VAMP7: variants seen among roughly 807,000 people sequenced by gnomAD.
VAMP7 encodes vesicle-associated membrane protein 7.
VAMP7 carries 14 observed loss-of-function variants against 29.6 expected under a neutral mutation model. The ratio of observed to expected loss-of-function variants is 0.47; its 90% CI spans 0.31 to 0.74. VAMP7 has a LOEUF of 0.74. Ranked by LOEUF, VAMP7 falls within the 30% of genes least tolerant of loss-of-function variation. The pLI is 0.05. For missense variants in VAMP7, 223 were observed against 262.4 expected (o/e 0.85, Z 1.04); for synonymous variants, 95 against 88.1 (o/e 1.08, Z -0.44).
intron 6 of VAMP7, among the ~76,000 whole-genome samples, chrX:155,925,869 A>T (rs957360859): frequency 2.7e-4 from 41 of 152,152 alleles, no homozygotes; most frequent in Non-Finnish European, 4.6e-4. Flanking sequence ...AGGCCCCAAG[A>T]TTTATTTTCC....
intron 6 of VAMP7, among the ~76,000 whole-genome samples, chrX:155,928,174 T>G (rs2066498288): frequency 6.6e-6 from 1 of 152,170 alleles, no homozygotes; most frequent in Admixed American, 6.6e-5. Flanking sequence ...CCTCCCACCT[T>G]GGCTTCCCAA....
At chrX:155,916,473 T>C (rs964166657) in intron 5 of VAMP7, among the ~76,000 whole-genome samples, 15 of 152,240 alleles carry the variant, frequency 9.9e-5, no homozygotes, top group African/African-American at 3.4e-4. Flanking sequence ...CAGTTTGATA[T>C]GTTTTTGCAG....
At chrX:155,901,990 C>A (rs1297616179) in intron 5 of VAMP7, among the ~76,000 whole-genome samples, 1 of 152,032 alleles carries the variant, frequency 6.6e-6, no homozygotes, top group African/African-American at 2.4e-5. Context: ...GATATTGATT[C>A]TTCCTACCCA....
chrX:155,889,435 C>T (rs1569432115), intron 1 of VAMP7, 23 bp from the exon 2 acceptor site: 3 of 1,606,338 alleles, frequency 1.9e-6, no homozygotes, highest in Admixed American at 3.4e-5. Context: ...TATTCTAAAT[C>T]TGTGTCTTTT....
chrX:155,936,416 G>C (rs887447963), intron 6 of VAMP7, among the ~76,000 whole-genome samples: 1 of 152,178 alleles, frequency 6.6e-6, no homozygotes, highest in Non-Finnish European at 1.5e-5. Context: ...CTCTCCTCCA[G>C]CCTCGCTGCC....
At chrX:155,935,105 C>G (rs1258116795) in intron 6 of VAMP7, among the ~76,000 whole-genome samples, 1 of 152,000 alleles carries the variant, frequency 6.6e-6, no homozygotes, top group Non-Finnish European at 1.5e-5. Flanking sequence ...TGTGGGTAAC[C>G]CGACCTTTCT....
intron 3 of VAMP7, among the ~76,000 whole-genome samples, chrX:155,896,045 C>T (rs1318252975): frequency 3.3e-5 from 5 of 152,142 alleles, no homozygotes; most frequent in Admixed American, 6.5e-5. Context: ...AAATTGTCTT[C>T]TACAAAACCG....
chrX:155,890,648 A>C (rs1016739732), intron 2 of VAMP7, among the ~76,000 whole-genome samples: 8 of 152,188 alleles, frequency 5.3e-5, no homozygotes, highest in African/African-American at 1.7e-4. Flanking sequence ...GGCGTGAGCC[A>C]CTGCCCCTGG....
At chrX:155,927,379 A>C (rs2066483684) in intron 6 of VAMP7, among the ~76,000 whole-genome samples, 1 of 146,878 alleles carries the variant, frequency 6.8e-6, no homozygotes, top group Non-Finnish European at 1.5e-5. Context: ...AATAATAATA[A>C]AAAGAAACAA....
At chrX:155,936,321 C>T (rs2066655099) in intron 6 of VAMP7, among the ~76,000 whole-genome samples, 1 of 152,186 alleles carries the variant, frequency 6.6e-6, no homozygotes, top group Non-Finnish European at 1.5e-5. Flanking sequence ...GGCAGGCAGG[C>T]CTCCTTGAGC....
chrX:155,928,779 A>C (rs1184584847), intron 6 of VAMP7, among the ~76,000 whole-genome samples: 3 of 152,164 alleles, frequency 2.0e-5, no homozygotes. Context: ...TTATAGGTGA[A>C]CTTGTTTTAA....
At chrX:155,889,774 T>C in intron 2 of VAMP7, 162 bp downstream of exon 2, 1 of 692,054 alleles carries the variant, frequency 1.4e-6, no homozygotes, top group Non-Finnish European at 2.2e-6. Context: ...GTTTTGTTAC[T>C]TATAAATTTA....
intron 1 of VAMP7, among the ~76,000 whole-genome samples, chrX:155,884,856 T>C (rs2065847565): frequency 6.6e-6 from 1 of 152,226 alleles, no homozygotes; most frequent in Admixed American, 6.5e-5. Flanking sequence ...TTGAAGATGC[T>C]TCTGCTGAGG....
At chrX:155,938,724 G>A (rs774106466) in intron 6 of VAMP7, among the ~76,000 whole-genome samples, 1 of 152,288 alleles carries the variant, frequency 6.6e-6, no homozygotes, top group Admixed American at 6.5e-5. Flanking sequence ...GCTGAGGTGG[G>A]AGGATCGTTT....
intron 3 of VAMP7, among the ~76,000 whole-genome samples, chrX:155,896,899 A>T (rs925335910): frequency 7.0e-4 from 106 of 152,100 alleles, no homozygotes; most frequent in African/African-American, 2.4e-3. Flanking sequence ...CTTTTCCAGA[A>T]TGCTTTTAAA....
rs752797091 is a variant in VAMP7, at chrX:155,883,871, T to C, written c.-10+2423T>C. Among the ~76,000 whole-genome samples the C allele has an allele frequency of 1.4e-3, 215 of 151,878 alleles. 1 individual carries two copies. Among genetic ancestry groups the C allele is most frequent in the African/African-American group, 5.0e-3 (206 of 41,416 alleles). ...GATTACAGGTGCACACCACCACGCC[T>C]GACTAATTTTTTTTTGTATTTTTAG... On this transcript the variant is annotated intron_variant, in intron 1 of 7. Coordinates refer to ENST00000286448, the MANE Select transcript of VAMP7 (RefSeq NM_005638.6).
At chrX:155,883,433 TTAA>T (rs2065827639) in intron 1 of VAMP7, among the ~76,000 whole-genome samples, 1 of 152,194 alleles carries the variant, frequency 6.6e-6, no homozygotes, top group South Asian at 2.1e-4. Context: ...GCCAGTTAAT[TTAA>T]TAATCTGCTC....
At chrX:155,922,303 A>G (rs1792032172) in intron 6 of VAMP7, among the ~76,000 whole-genome samples, 1 of 151,916 alleles carries the variant, frequency 6.6e-6, no homozygotes, top group African/African-American at 2.4e-5. Flanking sequence ...CCTATTGACC[A>G]TCTTGTGGGG....
chrX:155,887,286 C>A (rs1160908751), intron 1 of VAMP7, among the ~76,000 whole-genome samples: 1 of 151,850 alleles, frequency 6.6e-6, no homozygotes, highest in Non-Finnish European at 1.5e-5. Flanking sequence ...TTTAAAATGG[C>A]AGATCTAACT....
Sources: gnomAD v4.1 joint callset for allele counts (sites outside exome capture counted in the v4.1 genomes callset) on GRCh38, gnomAD v4.1.1 for gene constraint, MANE v1.5 for transcripts, NCBI Gene and HGNC (gene_info 2026-07-23, HGNC 2026-07-21) for gene names.